KCTD8: variants seen among roughly 807,000 people sequenced by gnomAD.
KCTD8 encodes potassium channel tetramerization domain containing 8, also known as BTB/POZ domain-containing protein KCTD8.
A neutral mutation model predicts 31.5 loss-of-function variants in KCTD8; 27 were observed. That is an observed-to-expected ratio of 0.86 (90% CI 0.63 to 1.18). KCTD8 has a LOEUF of 1.18. KCTD8 is among the 50% of genes most tolerant of loss of function. KCTD8 has a pLI of 0.00. For missense variants in KCTD8, 658 were observed against 647.7 expected, an observed-to-expected ratio of 1.02 and a Z score of -0.17; for synonymous variants, 290 against 280.0, an observed-to-expected ratio of 1.04 and a Z score of -0.36.
At chr4:44,229,228 G>T (rs1715048515) in intron 1 of KCTD8, among the ~76,000 whole-genome samples, 1 of 152,142 alleles carries the variant, frequency 6.6e-6, no homozygotes, top group Non-Finnish European at 1.5e-5. Flanking sequence ...CAGGAATGTT[G>T]GTTGATGGTT....
intron 1 of KCTD8, among the ~76,000 whole-genome samples, chr4:44,388,102 A>G (rs1720271046): frequency 6.6e-6 from 1 of 152,008 alleles, no homozygotes; most frequent in Admixed American, 6.6e-5. Flanking sequence ...ATCATAATTT[A>G]AAAAGTTCAA....
At chr4:44,209,761 T>G (rs919767650) in intron 1 of KCTD8, among the ~76,000 whole-genome samples, 1 of 152,150 alleles carries the variant, frequency 6.6e-6, no homozygotes, top group African/African-American at 2.4e-5. Context: ...ATGGTAGGGC[T>G]TGAACTGACA....
At chr4:44,249,307 T>C (rs532552314) in intron 1 of KCTD8, among the ~76,000 whole-genome samples, 70 of 151,968 alleles carry the variant, frequency 4.6e-4, no homozygotes, top group African/African-American at 1.6e-3. Flanking sequence ...AAGTTATTAT[T>C]AACAAGGCCT....
chr4:44,243,000 C>A (rs979372055), intron 1 of KCTD8, among the ~76,000 whole-genome samples: 2 of 152,130 alleles, frequency 1.3e-5, no homozygotes, highest in Non-Finnish European at 2.9e-5. Context: ...AAGCACCCAG[C>A]CTCAGGTATT....
intron 1 of KCTD8, among the ~76,000 whole-genome samples, chr4:44,298,586 TAAGAA>T (rs1560419090): frequency 1.3e-5 from 2 of 152,076 alleles, no homozygotes; most frequent in Non-Finnish European, 2.9e-5. Context: ...CCAGAAACAA[TAAGAA>T]ATAGCTCCCT....
chr4:44,375,623 C>T lies in KCTD8; in HGVS notation c.961+71940G>A, dbSNP rs146280376. ...GCTCACCTGGATTACAGTTGTCTAC[C>T]GAAAACCTTTTATTGCCAAATCCAA... On this transcript the variant is annotated intron_variant, in intron 1 of 1. Coordinates refer to ENST00000360029, the MANE Select transcript of KCTD8 (RefSeq NM_198353.3). Among the ~76,000 whole-genome samples, 561 of 152,062 alleles carry T rather than the reference C, an allele frequency of 3.7e-3. 4 individuals are homozygous for T. Among genetic ancestry groups the T allele is most frequent in the Middle Eastern group, 0.01 (3 of 294 alleles).
At chr4:44,311,266 GCTCT>G (rs1213660174) in intron 1 of KCTD8, among the ~76,000 whole-genome samples, 5 of 151,612 alleles carry the variant, frequency 3.3e-5, no homozygotes, top group Non-Finnish European at 5.9e-5. Context: ...GAGCACGTGT[GCTCT>G]CTCTCTCTCC....
intron 1 of KCTD8, among the ~76,000 whole-genome samples, chr4:44,421,862 A>G (rs909488139): frequency 6.6e-5 from 10 of 152,084 alleles, no homozygotes; most frequent in African/African-American, 2.4e-4. Flanking sequence ...AAAAATCACA[A>G]TGGCCTATTC....
At position 44,448,463 on chromosome 4, in the gene KCTD8, A is replaced by C. The variant is rs961639583; in HGVS notation, c.61T>G (p.Ser21Ala). ...GACGCGCCGGGCGAGCTGGACGAGG[A>C]AACCATCTCGCTAATGGGCAGGATG... ...STILPISEMVSSSSSPGASAA... is the reference protein window; with the variant it reads ...STILPISEMVASSSSPGASAA... Residue 21 changes from serine to alanine, a missense_variant, in exon 1 of 2, where the codon TCC becomes GCC. By Grantham distance (99) the Ser-to-Ala change is moderately conservative. Transcript: ENST00000360029. The surrounding 1 kb of genome is among the most constrained non-coding windows in gnomAD (Gnocchi z 4.1). The C allele has an allele frequency of 1.3e-6, 2 of 1,543,234 alleles. No individual in the cohort carries two copies. Among genetic ancestry groups the C allele is most frequent in the African/African-American group, 2.8e-5 (2 of 71,376 alleles).
chr4:44,258,138 A>C (rs2109364326), intron 1 of KCTD8, among the ~76,000 whole-genome samples: 1 of 152,144 alleles, frequency 6.6e-6, no homozygotes, highest in African/African-American at 2.4e-5. Flanking sequence ...AGGAAAGACA[A>C]GTCATGGTTA....
In KCTD8 at chr4:44,447,793, G is replaced by A. The variant is rs1577676314; in HGVS notation, c.731C>T (p.Ala244Val). 1 of 1,607,558 alleles carries A rather than the reference G, an allele frequency of 6.2e-7. No homozygotes were observed. Among genetic ancestry groups the A allele is most frequent in the African/African-American group, 1.3e-5 (1 of 74,942 alleles). ...RIMVCGRIAL[A>V]KEVFGDTLNE... ...GAGCGTGTCCCCGAAGACCTCCTTG[G>A]CCAGCGCGATGCGCCCGCACACCAT... Residue 244 changes from alanine (A) to valine (V), a missense_variant, in exon 1 of 2, where the codon GCC becomes GTC. Coordinates refer to ENST00000360029, the MANE Select transcript of KCTD8 (RefSeq NM_198353.3).
At chr4:44,393,156 T>A (rs149849527) in intron 1 of KCTD8, among the ~76,000 whole-genome samples, 1 of 152,118 alleles carries the variant, frequency 6.6e-6, no homozygotes, top group African/African-American at 2.4e-5. Flanking sequence ...AGAGTACAGT[T>A]CTGTGGCCTT....
intron 1 of KCTD8, among the ~76,000 whole-genome samples, chr4:44,256,160 C>G (rs533459849): frequency 6.6e-6 from 1 of 151,846 alleles, no homozygotes; most frequent in Admixed American, 6.6e-5. Flanking sequence ...CCACATTATT[C>G]AATTACCTCC....
chr4:44,438,649 G>T (rs1375400747), intron 1 of KCTD8, among the ~76,000 whole-genome samples: 3 of 152,150 alleles, frequency 2.0e-5, no homozygotes, highest in Non-Finnish European at 4.4e-5. Flanking sequence ...ATTTTAAAAA[G>T]TAAGAACTCA....
At position 44,317,107 on chromosome 4, in the gene KCTD8, GTTTCC is replaced by G. The variant is rs534389738; in HGVS notation, c.961+130451_961+130455del. On this transcript the variant is annotated intron_variant, in intron 1 of 1. Transcript: ENST00000360029. ...TCATTTTACTGCTGTATGAAGCTAT[GTTTCC>G]TTTCATTTTGTTTTTTTGTTGTTTT... Among the ~76,000 whole-genome samples the G allele has an allele frequency of 6.6e-5, 10 of 150,952 alleles. No individual in the cohort carries two copies. In the South Asian group the frequency reaches 1.7e-3, roughly 25 times the overall value.
intron 1 of KCTD8, among the ~76,000 whole-genome samples, chr4:44,179,414 GC>G (rs1477794823): frequency 6.7e-6 from 1 of 150,342 alleles, no homozygotes; most frequent in Non-Finnish European, 1.5e-5. Flanking sequence ...GATTTTAAGA[GC>G]TTTAAAAATA....
chr4:44,207,585 C>T (rs1714351871), intron 1 of KCTD8, among the ~76,000 whole-genome samples: 1 of 152,190 alleles, frequency 6.6e-6, no homozygotes, highest in African/African-American at 2.4e-5. Flanking sequence ...ATCTCCTCTT[C>T]TCCTCTCTCT....
chr4:44,313,996 G>A (rs1718028397), intron 1 of KCTD8, among the ~76,000 whole-genome samples: 1 of 152,238 alleles, frequency 6.6e-6, no homozygotes, highest in Non-Finnish European at 1.5e-5. Context: ...GCCAGACAAT[G>A]AATGGTCATG....
rs1719364485 is a variant in KCTD8, at chr4:44,357,102, AC to A, written c.961+90460del. On this transcript the variant is annotated intron_variant, in intron 1 of 1. Transcript: ENST00000360029. ...AGGCATTTGAGGCAAAAAAAAAAAAACCCTTCAAAACAAACATATAGTTAAA... is the reference window on the plus strand; with the variant it reads ...AGGCATTTGAGGCAAAAAAAAAAAAACCTTCAAAACAAACATATAGTTAAA... 8.4e-5 allele frequency among the ~76,000 whole-genome samples: 12 copies of A among 142,364 alleles called. No individual in the cohort carries two copies. The South Asian group carries it at 2.5e-3, about 30-fold the overall frequency. 93.4% of individuals were successfully genotyped at this position (142,364 alleles called of 152,430 possible).
Sources: allele counts gnomAD v4.1 joint callset (sites outside exome capture counted in the v4.1 genomes callset), GRCh38; gene constraint gnomAD v4.1.1; non-coding constraint Gnocchi (gnomAD v3.1); transcripts MANE v1.5; gene names NCBI Gene and HGNC (gene_info 2026-07-23, HGNC 2026-07-21).